MINDY4: variants seen among roughly 807,000 people sequenced by gnomAD.
MINDY4 encodes MINDY lysine 48 deubiquitinase 4.
In MINDY4, 68 loss-of-function variants were observed where a neutral mutation model predicts 87.0. The observed-to-expected ratio is 0.78, with a 90% CI of 0.64 to 0.96. The LOEUF is 0.96. Ranked by LOEUF, MINDY4 falls within the 40% of genes least tolerant of loss-of-function variation. MINDY4 has a pLI of 0.00. For synonymous variants in MINDY4, 379 were observed against 363.2 expected (o/e 1.04, Z -0.50); for missense variants, 919 against 928.2 (o/e 0.99, Z 0.13).
At chr7:30,872,433 A>C in intron 14 of MINDY4, 127 bp downstream of exon 14, 2 of 851,484 alleles carry the variant, frequency 2.3e-6, no homozygotes. Context: ...AACACTCTTC[A>C]AGCAGCTTTC....
chr7:30,890,367 T>C (rs1298716883), intron 17 of MINDY4, among the ~76,000 whole-genome samples: 1 of 152,222 alleles, frequency 6.6e-6, no homozygotes, highest in Non-Finnish European at 1.5e-5. Flanking sequence ...GCACGATCTA[T>C]CCTCACAGTG....
chr7:30,855,720 A>G (rs1789549181), intron 12 of MINDY4, among the ~76,000 whole-genome samples: 1 of 152,232 alleles, frequency 6.6e-6, no homozygotes, highest in African/African-American at 2.4e-5. Flanking sequence ...GGACTGTGGA[A>G]GGGGTTCAGA....
intron 12 of MINDY4, among the ~76,000 whole-genome samples, chr7:30,856,184 C>G (rs1168716918): frequency 6.6e-6 from 1 of 152,192 alleles, no homozygotes; most frequent in Non-Finnish European, 1.5e-5. Context: ...GCCCCTTCTT[C>G]CCAAGTGGCA....
chr7:30,806,849 A>G (rs933369809), intron 5 of MINDY4, among the ~76,000 whole-genome samples: 3 of 152,136 alleles, frequency 2.0e-5, no homozygotes, highest in African/African-American at 7.2e-5. Context: ...GGCCTGGACA[A>G]TGGGCTGGCA....
At chr7:30,836,263 C>G (rs1788853426) in intron 6 of MINDY4, among the ~76,000 whole-genome samples, 1 of 152,210 alleles carries the variant, frequency 6.6e-6, no homozygotes, top group Non-Finnish European at 1.5e-5. Flanking sequence ...GGGGAATGAT[C>G]TTTCGAGTCA....
chr7:30,858,221 T>C (rs1469504867), intron 12 of MINDY4: 3 of 152,192 alleles, frequency 2.0e-5, no homozygotes, highest in African/African-American at 7.2e-5. Context: ...CCGATCCCAG[T>C]AGGCTGTGGC....
chr7:30,865,412 G>A (rs1178976092), intron 13 of MINDY4, among the ~76,000 whole-genome samples: 1 of 152,386 alleles, frequency 6.6e-6, no homozygotes, highest in African/African-American at 2.4e-5. Context: ...ACAATGGAAG[G>A]TGGACCCACG....
chr7:30,861,332 T>C (rs1789760472), intron 13 of MINDY4, among the ~76,000 whole-genome samples: 1 of 152,190 alleles, frequency 6.6e-6, no homozygotes, highest in African/African-American at 2.4e-5. Flanking sequence ...CCAGGCCCCT[T>C]GCCTTAACAT....
At chr7:30,847,695 ATACTC>A (rs1192789489) in intron 9 of MINDY4, among the ~76,000 whole-genome samples, 2 of 150,386 alleles carry the variant, frequency 1.3e-5, no homozygotes, top group African/African-American at 2.4e-5. Context: ...CACATGATAA[ATACTC>A]TATATATGTG....
intron 10 of MINDY4, 29 bp from the exon 11 acceptor site, chr7:30,852,187 G>A: frequency 6.2e-7 from 1 of 1,613,676 alleles, no homozygotes; most frequent in Non-Finnish European, 8.5e-7. Context: ...TCCACTCAGA[G>A]GACTCATGCA....
chr7:30,890,565 A>G (rs778141225), intron 17 of MINDY4, among the ~76,000 whole-genome samples: 1 of 152,236 alleles, frequency 6.6e-6, no homozygotes, highest in Non-Finnish European at 1.5e-5. Context: ...AAGTATTCAA[A>G]ATATGCAAGG....
At chr7:30,803,166 T>C (rs10250368) in intron 5 of MINDY4, 55,084 of 152,126 alleles carry the variant, frequency 0.36, 10,351 homozygotes, top group South Asian at 0.43. Flanking sequence ...TTGGACATGA[T>C]CTGTTTCTCA....
At chr7:30,807,993 CATTTCT>C (rs1379236901) in intron 5 of MINDY4, among the ~76,000 whole-genome samples, 1 of 152,220 alleles carries the variant, frequency 6.6e-6, no homozygotes, top group Non-Finnish European at 1.5e-5. Context: ...TGTCCTGCTA[CATTTCT>C]TGGTTCCCTG....
intron 13 of MINDY4, among the ~76,000 whole-genome samples, chr7:30,859,733 A>C (rs968902379): frequency 6.6e-6 from 1 of 152,178 alleles, no homozygotes; most frequent in Non-Finnish European, 1.5e-5. Flanking sequence ...AGACCAAGGC[A>C]GCCCTGCAGT....
rs1787312735 is a variant in MINDY4, at chr7:30,791,179, A to G, written c.678A>G (p.Arg226=). 5.0e-6 allele frequency: 8 copies of G among 1,608,058 alleles called. No homozygotes were observed. Among genetic ancestry groups the G allele is most frequent in the Non-Finnish European group, 6.8e-6 (8 of 1,175,596 alleles). The change falls in exon 5 of 18, where the codon AGA becomes AGG. Residue 226 remains arginine, a synonymous_variant. Coordinates refer to ENST00000265299, the MANE Select transcript of MINDY4 (RefSeq NM_032222.3). ...ACTCCCTTTAGGATTCTTTTCACAG[A>G]CACTATCTGAGACGGTCCTCACCGT... ...IASSPQDSFH[R]HYLRRSSPSS...
chr7:30,774,270 T>G (rs1439659505), intron 1 of MINDY4, among the ~76,000 whole-genome samples: 1 of 152,192 alleles, frequency 6.6e-6, no homozygotes, highest in Non-Finnish European at 1.5e-5. Flanking sequence ...CCACACTTAC[T>G]CACCTTCCTG....
rs541887352 is a variant in MINDY4 at position 30,828,722 on chromosome 7, G to A, written c.1117G>A (p.Gly373Ser). 2.5e-5 allele frequency: 40 copies of A among 1,613,318 alleles called. No individual in the cohort carries two copies. In the East Asian group the frequency reaches 8.5e-4, roughly 34 times the overall value. ...LPSDKVDGELGALRLEDVEDE... is the reference protein window; with the variant it reads ...LPSDKVDGELSALRLEDVEDE... ...GTCTGACAAGGTGGATGGTGAGCTG[G>A]GTGCCCTGCGGCTCGGTAGGTGCAG... Residue 373 changes from glycine to serine, a missense_variant, in exon 6 of 18, where the codon GGT becomes AGT. Gly to Ser is a moderately conservative substitution (Grantham distance 56). Transcript: ENST00000265299.
chr7:30,771,503 C>G lies in MINDY4; in HGVS notation c.10C>G (p.Leu4Val), dbSNP rs1786632001. Residue 4 changes from leucine to valine, a missense_variant, in exon 1 of 18, where the codon CTC becomes GTC. Leu to Val is a conservative substitution (Grantham distance 32). Coordinates refer to ENST00000265299, the MANE Select transcript of MINDY4 (RefSeq NM_032222.3). MDS[L>V]FVEEVAASLV... is the part of the protein sequence containing the mutation. ...AGCCAGAGCCAGAGCCATGGACAGC[C>G]TCTTCGTGGAGGAGGTGGCCGCCTC... 2.5e-6 allele frequency: 4 copies of G among 1,605,444 alleles called. No homozygotes were observed. The South Asian group carries it at 3.4e-5, about 14-fold the overall frequency.
At chr7:30,828,416 A>G (rs1204673868) in intron 5 of MINDY4, among the ~76,000 whole-genome samples, 1 of 152,148 alleles carries the variant, frequency 6.6e-6, no homozygotes, top group Non-Finnish European at 1.5e-5. Flanking sequence ...ACGCCAACCT[A>G]CAGAGCTGAC....
Sources: allele counts gnomAD v4.1 joint callset (sites outside exome capture counted in the v4.1 genomes callset), GRCh38; gene constraint gnomAD v4.1.1; transcripts MANE v1.5; gene names NCBI Gene and HGNC (gene_info 2026-07-23, HGNC 2026-07-21).